Variants in BCAS3 observed in about 807,000 individuals in gnomAD.
BCAS3 encodes BCAS4/BCAS3 fusion.
In BCAS3, 53 loss-of-function variants were observed where a neutral mutation model predicts 116.1. The ratio of observed to expected loss-of-function variants is 0.46; its 90% CI spans 0.37 to 0.57. The LOEUF is 0.57. BCAS3 is among the 20% of genes least tolerant of loss of function. The pLI is 0.00. For missense variants in BCAS3, 917 were observed against 1,165.4 expected (o/e 0.79, Z 3.10); for synonymous variants, 391 against 408.2 (o/e 0.96, Z 0.51).
intron 6 of BCAS3, among the ~76,000 whole-genome samples, chr17:60,802,226 G>A (rs2047849923): frequency 6.7e-6 from 1 of 149,324 alleles, no homozygotes; most frequent in African/African-American, 2.5e-5. Flanking sequence ...AGAGGTTACA[G>A]TGAGCCAAAA....
At position 61,035,532 on chromosome 17, in the gene BCAS3, G is replaced by A. The variant is rs368621415; in HGVS notation, c.1762+742G>A. Among the ~76,000 whole-genome samples, 77 of 142,750 alleles carry A rather than the reference G, an allele frequency of 5.4e-4. 3 individuals carry two copies. The South Asian group carries it at 0.017, about 31-fold the overall frequency. The allele number at this position is 142,750 out of a possible 152,430, so 93.6% of individuals were successfully genotyped here. On this transcript the variant is annotated intron_variant, in intron 17 of 23. Transcript: ENST00000407086. ...CGGGAGGCAGAGGTTGCAGTGAGCCGAGATCACGTCACTGCACTCCAGCCT... is the reference window on the plus strand; with the variant it reads ...CGGGAGGCAGAGGTTGCAGTGAGCCAAGATCACGTCACTGCACTCCAGCCT...
intron 4 of BCAS3, among the ~76,000 whole-genome samples, chr17:60,706,424 C>T (rs983709988): frequency 7.2e-5 from 11 of 151,856 alleles, no homozygotes; most frequent in South Asian, 2.1e-4. Context: ...TCTGTATATT[C>T]GAAGAATACA....
chr17:60,826,973 T>C (rs1182375397), intron 7 of BCAS3, among the ~76,000 whole-genome samples: 1 of 152,226 alleles, frequency 6.6e-6, no homozygotes, highest in East Asian at 1.9e-4. Context: ...ATTTTGTATT[T>C]GATAATTTTT....
chr17:60,735,752 CT>C (rs1318044017), intron 5 of BCAS3, among the ~76,000 whole-genome samples: 2 of 151,948 alleles, frequency 1.3e-5, no homozygotes, highest in African/African-American at 2.4e-5. Flanking sequence ...GTTAGCTGGA[CT>C]TTTTTTTGTA....
rs534870632 is a variant in BCAS3, at chr17:60,773,964, G to A, written c.403+26685G>A. ...GCCCGGCCTTACTGTTATGTTCGTTGTGTGTTTTAGATAATAGTCCTTTAT... is the reference window on the plus strand; with the variant it reads ...GCCCGGCCTTACTGTTATGTTCGTTATGTGTTTTAGATAATAGTCCTTTAT... On this transcript the variant is annotated intron_variant, in intron 6 of 23. Transcript: ENST00000407086. Among the ~76,000 whole-genome samples, 4 of 152,280 alleles carry A rather than the reference G, an allele frequency of 2.6e-5. No homozygotes were observed. In the South Asian group the frequency reaches 6.2e-4, roughly 24 times the overall value.
chr17:60,715,282 C>A (rs1002168185), intron 5 of BCAS3, among the ~76,000 whole-genome samples: 5 of 151,120 alleles, frequency 3.3e-5, no homozygotes, highest in Non-Finnish European at 5.9e-5. Flanking sequence ...TACAGGTGTG[C>A]GCCACCACAC....
At chr17:60,700,559 G>A (rs1455245027) in intron 4 of BCAS3, among the ~76,000 whole-genome samples, 1 of 152,156 alleles carries the variant, frequency 6.6e-6, no homozygotes, top group Non-Finnish European at 1.5e-5. Context: ...GTTAACCTAG[G>A]AGAGGATATA....
intron 22 of BCAS3, among the ~76,000 whole-genome samples, chr17:61,338,887 GGA>G (rs2056923589): frequency 3.0e-5 from 3 of 99,660 alleles, no homozygotes; most frequent in African/African-American, 1.1e-4. Flanking sequence ...GCCCTTACTG[GGA>G]AAAAAAAAAA....
In BCAS3 at chr17:60,990,557, A is replaced by G. The variant is rs373414898; in HGVS notation, c.1486+322A>G. On this transcript the variant is annotated intron_variant, in intron 15 of 23. Coordinates refer to ENST00000407086, the MANE Select transcript of BCAS3 (RefSeq NM_017679.5). The surrounding 1 kb of genome is among the most constrained non-coding windows in gnomAD (Gnocchi z 5.1). ...TTACTTATCTCTTCCAGAACATTCT[A>G]TGTTCAATGGGACACTATAGTTTAT... Among the ~76,000 whole-genome samples, 10 of 152,176 alleles carry G rather than the reference A, an allele frequency of 6.6e-5. 1 individual carries two copies. In the South Asian group the frequency reaches 1.2e-3, roughly 19 times the overall value.
Position 61,251,396 on chromosome 17 carries a change from C to T in BCAS3, c.2426-116931C>T, listed in dbSNP as rs1162204216. Among the ~76,000 whole-genome samples, 1 of 152,072 alleles carries T rather than the reference C, an allele frequency of 6.6e-6. No individual in the cohort carries two copies. Among genetic ancestry groups the T allele is most frequent in the Non-Finnish European group, 1.5e-5 (1 of 68,012 alleles). On this transcript the variant is annotated intron_variant, in intron 22 of 23. Coordinates refer to ENST00000407086, the MANE Select transcript of BCAS3 (RefSeq NM_017679.5). This position sits in a 1 kb window ranked among gnomAD's most constrained non-coding sequence, Gnocchi z 4.7. Reference sequence around the variant, plus strand: ...CCATCCTGGCCAATATGGCGAAACCCCGTCTCTACTAAAAATACAAAAAAT... The same window carrying T: ...CCATCCTGGCCAATATGGCGAAACCTCGTCTCTACTAAAAATACAAAAAAT...
At chr17:60,750,059 C>T (rs1488448252) in intron 6 of BCAS3, among the ~76,000 whole-genome samples, 8 of 151,532 alleles carry the variant, frequency 5.3e-5, no homozygotes, top group South Asian at 2.1e-4. Flanking sequence ...TCCAGCTACT[C>T]GGGAGGGTGA....
intron 10 of BCAS3, among the ~76,000 whole-genome samples, chr17:60,892,606 G>A (rs2057242494): frequency 6.6e-6 from 1 of 151,524 alleles, no homozygotes; most frequent in Non-Finnish European, 1.5e-5. Context: ...CCAGCGTCCG[G>A]CCGTTTTTGG....
rs2060163510 is a variant in BCAS3 at position 61,392,075 on chromosome 17, C to T, written c.2692C>T (p.Pro898Ser). Residue 898 changes from proline (P) to serine (S), a missense_variant, in exon 24 of 24, where the codon CCC becomes TCC. Around this residue, in one of 3 missense-constraint regions of BCAS3, gnomAD observed 109 missense variants for 122.8 expected, o/e 0.89. Coordinates refer to ENST00000407086, the MANE Select transcript of BCAS3 (RefSeq NM_017679.5). The surrounding 1 kb of genome is among the most constrained non-coding windows in gnomAD (Gnocchi z 6.4). ...RNFDGYRSPL[P>S]TNESQPLSLF... ...CTTTGATGGCTACCGATCTCCGCTG[C>T]CCACCAATGAGAGCCAGCCCCTCAG... The T allele has an allele frequency of 6.2e-7, 1 of 1,613,826 alleles. No individual in the cohort carries two copies. The highest frequency in any genetic ancestry group is 8.5e-7 in the Non-Finnish European group (1 of 1,180,010).
chr17:61,059,918 C>T (rs899853919), intron 19 of BCAS3, among the ~76,000 whole-genome samples: 2 of 151,170 alleles, frequency 1.3e-5, no homozygotes, highest in Non-Finnish European at 2.9e-5. Flanking sequence ...CCCAGCCACT[C>T]GGGAAGGCTG....
In BCAS3 at chr17:61,235,327, C is replaced by T. The variant is rs1458927968; in HGVS notation, c.2426-133000C>T. 6.6e-6 allele frequency among the ~76,000 whole-genome samples: 1 copy of T among 152,182 alleles called. No homozygotes were observed. The highest frequency in any genetic ancestry group is 2.4e-5 in the African/African-American group (1 of 41,424). ...TTGGCTAGTTATAGTCTAAGACTTG[C>T]AGACAGGCAGCCTGGGAAGATCTCA... is the stretch of plus-strand genomic sequence containing the variant. On this transcript the variant is annotated intron_variant, in intron 22 of 23. Transcript: ENST00000407086. The surrounding 1 kb of genome is among the most constrained non-coding windows in gnomAD (Gnocchi z 5.0).
intron 13 of BCAS3, among the ~76,000 whole-genome samples, chr17:60,935,684 C>G (rs2059881844): frequency 6.6e-6 from 1 of 152,158 alleles, no homozygotes. Context: ...ATACAGCATG[C>G]TTGATGACTA....
chr17:61,044,717 A>T (rs1399438409), intron 19 of BCAS3, among the ~76,000 whole-genome samples: 1 of 151,824 alleles, frequency 6.6e-6, no homozygotes, highest in Non-Finnish European at 1.5e-5. Context: ...TGTAGATATC[A>T]ATTATTATAC....
chr17:60,758,981 ATTTT>A (rs778345782), intron 6 of BCAS3, among the ~76,000 whole-genome samples: 1 of 140,770 alleles, frequency 7.1e-6, no homozygotes, highest in African/African-American at 2.6e-5. Context: ...GTCTGAGAAG[ATTTT>A]TTTTTTTTTT....
At chr17:61,253,360 T>C (rs2048518563) in intron 22 of BCAS3, among the ~76,000 whole-genome samples, 1 of 151,406 alleles carries the variant, frequency 6.6e-6, no homozygotes, top group African/African-American at 2.4e-5. Flanking sequence ...GGAGAGAATA[T>C]ATATATATAT....
Sources: allele counts gnomAD v4.1 joint callset (sites outside exome capture counted in the v4.1 genomes callset), GRCh38; gene constraint gnomAD v4.1.1; regional missense constraint gnomAD v4.1.1; non-coding constraint Gnocchi (gnomAD v3.1); transcripts MANE v1.5; gene names NCBI Gene and HGNC (gene_info 2026-07-23, HGNC 2026-07-21).